The following SLC25A48 variants were observed in gnomAD, a reference collection of about 807,000 sequenced individuals.
SLC25A48 encodes the protein solute carrier family 25 member 48, also known as CTC-321K16.1.
In SLC25A48, 29 loss-of-function variants were observed where a neutral mutation model predicts 32.2. The observed-to-expected ratio is 0.90, with a 90% CI of 0.67 to 1.23. The LOEUF (loss-of-function observed/expected upper bound fraction) is 1.23. Among genes scored for constraint, SLC25A48 ranks in the 50% most tolerant of loss-of-function variants. The pLI is 0.00. For synonymous variants in SLC25A48, 164 were observed against 172.3 expected (o/e 0.95, Z 0.38); for missense variants, 399 against 422.7 (o/e 0.94, Z 0.49).
intron 3 of SLC25A48, among the ~76,000 whole-genome samples, chr5:135,770,703 G>A (rs12188282): frequency 0.31 from 46,690 of 151,252 alleles, 7,390 homozygotes; most frequent in East Asian, 0.46. Flanking sequence ...AGAGAATAAT[G>A]TTGCTCCAAA....
chr5:135,886,615 AT>A (rs1561567605), intron 7 of SLC25A48, among the ~76,000 whole-genome samples: 2,547 of 34,900 alleles, frequency 0.073, 237 homozygotes, highest in Non-Finnish European at 0.094. Flanking sequence ...ATATATATAT[AT>A]ATATATATAT....
In SLC25A48 at chr5:135,764,126, G is replaced by A. The variant is rs185788896; in HGVS notation, c.-520-48397G>A. On this transcript the variant is annotated intron_variant, in intron 3 of 10. Coordinates refer to the SLC25A48 transcript ENST00000646290. ...GGGGTGTACACCCCTCTGTGATATGGTTTGTAATATCCAGGGAGGTAGAGG... is the reference window on the plus strand; with the variant it reads ...GGGGTGTACACCCCTCTGTGATATGATTTGTAATATCCAGGGAGGTAGAGG... 3.0e-3 allele frequency among the ~76,000 whole-genome samples: 461 copies of A among 152,212 alleles called. 1 individual carries two copies. The highest frequency in any genetic ancestry group is 5.5e-3 in the Non-Finnish European group (377 of 67,994).
chr5:135,646,485 T>G (rs1342549808), intron 3 of SLC25A48, among the ~76,000 whole-genome samples: 1 of 151,968 alleles, frequency 6.6e-6, no homozygotes, highest in African/African-American at 2.4e-5. Context: ...TGTCTACAGC[T>G]TTGGCCTCAG....
intron 7 of SLC25A48, chr5:135,883,267 C>T (rs952486471): frequency 2.8e-5 from 28 of 985,346 alleles, no homozygotes; most frequent in Non-Finnish European, 3.3e-5. Context: ...TTCAACTGAC[C>T]ATTGGTCAAC....
At position 135,835,099 on chromosome 5, in the gene SLC25A48, G is replaced by T; in HGVS notation, c.46+206G>T. 4.2e-6 allele frequency: 3 copies of T among 720,616 alleles called. No individual in the cohort carries two copies. In the South Asian group the frequency reaches 4.5e-5, roughly 11 times the overall value. 44.6% of individuals were successfully genotyped at this position (720,616 alleles called of 1,614,324 possible). A position where few individuals can be genotyped will look rare whatever the true frequency, so the allele number is the denominator to read the frequency against. On this transcript the variant is annotated intron_variant, in intron 1 of 7. Coordinates refer to ENST00000681962, the MANE Select transcript of SLC25A48 (RefSeq NM_001349336.2). ...AATTCTGAGAGCTTCACAGCGTTTC[G>T]GGCTGAGCTTCTGATTTGCTCATTA...
upstream of SLC25A48, among the ~76,000 whole-genome samples, chr5:135,831,727 A>G (rs1029769567): frequency 2.6e-5 from 4 of 152,254 alleles, no homozygotes; most frequent in African/African-American, 9.6e-5. Flanking sequence ...ACCCAGTCCT[A>G]CTGAGCTACA....
At chr5:135,881,855 G>A (rs1230670572) in intron 7 of SLC25A48, among the ~76,000 whole-genome samples, 1 of 152,162 alleles carries the variant, frequency 6.6e-6, no homozygotes, top group Non-Finnish European at 1.5e-5. Context: ...GTGTTTTACA[G>A]CCCTCTTTTC....
Position 135,852,646 on chromosome 5 carries a change from C to A in SLC25A48, c.246C>A (p.Asn82Lys). Residue 82 changes from asparagine (N) to lysine (K), a missense_variant, in exon 4 of 8, where the codon AAC becomes AAA. Transcript: ENST00000681962. ...CCGTGGTGTTTGGGGTCTTCAGTAA[C>A]ACGCAGCGGTTCCTCAGCCAGCACC... ...YNSVVFGVFS[N>K]TQRFLSQHRC... 6.2e-7 allele frequency: 1 copy of A among 1,613,828 alleles called. No homozygotes were observed. The highest frequency in any genetic ancestry group is 8.5e-7 in the Non-Finnish European group (1 of 1,179,756).
chr5:135,627,192 ATT>A (rs1752458791), intron 1 of SLC25A48, among the ~76,000 whole-genome samples: 1 of 152,022 alleles, frequency 6.6e-6, no homozygotes, highest in Non-Finnish European at 1.5e-5. Flanking sequence ...TCGAGCTAAC[ATT>A]TCTCAGGCCC....
chr5:135,860,742 T>C (rs903164695), intron 4 of SLC25A48, among the ~76,000 whole-genome samples: 1 of 152,198 alleles, frequency 6.6e-6, no homozygotes, highest in Non-Finnish European at 1.5e-5. Flanking sequence ...TGGGCATTTC[T>C]AGGCAGCCTT....
rs34938994 is a variant in SLC25A48, at chr5:135,849,087, G to A, written c.91-1338G>A. On this transcript the variant is annotated intron_variant, in intron 2 of 7. Transcript: ENST00000681962. ...ATAATGAAAGTAACATCTGCTTATC[G>A]TAGGAAAGTTGGAAAATACAGAAAA... Among the ~76,000 whole-genome samples, 531 of 152,316 alleles carry A rather than the reference G, an allele frequency of 3.5e-3. 2 individuals carry two copies. Among genetic ancestry groups the A allele is most frequent in the Non-Finnish European group, 5.9e-3 (399 of 68,022 alleles).
chr5:135,683,842 C>T (rs1753956870), intron 3 of SLC25A48, among the ~76,000 whole-genome samples: 1 of 152,110 alleles, frequency 6.6e-6, no homozygotes, highest in Non-Finnish European at 1.5e-5. Flanking sequence ...TTCCCCATTC[C>T]CAGCTTAGCT....
intron 3 of SLC25A48, among the ~76,000 whole-genome samples, chr5:135,773,144 G>A (rs1194418104): frequency 6.6e-6 from 1 of 150,828 alleles, no homozygotes; most frequent in East Asian, 2.0e-4. Context: ...AATATCCAGG[G>A]TGGTAGAGGA....
intron 1 of SLC25A48, among the ~76,000 whole-genome samples, chr5:135,591,559 C>A (rs1464792733): frequency 6.6e-6 from 1 of 152,208 alleles, no homozygotes; most frequent in Admixed American, 6.5e-5. Flanking sequence ...TTCCATGTAT[C>A]CTGCTTTCTT....
chr5:135,625,517 A>G (rs907236727), intron 1 of SLC25A48, among the ~76,000 whole-genome samples: 3 of 152,130 alleles, frequency 2.0e-5, no homozygotes, highest in Non-Finnish European at 4.4e-5. Flanking sequence ...TCTGTGGGAC[A>G]TGATGTGGCC....
At position 135,836,575 on chromosome 5, in the gene SLC25A48, T is replaced by C. The variant is rs60805988; in HGVS notation, c.46+1682T>C. 6.5e-3 allele frequency among the ~76,000 whole-genome samples: 990 copies of C among 152,336 alleles called. 53 individuals carry two copies. In the East Asian group the frequency reaches 0.14, roughly 22 times the overall value. On this transcript the variant is annotated intron_variant, in intron 1 of 7. Coordinates refer to ENST00000681962, the MANE Select transcript of SLC25A48 (RefSeq NM_001349336.2). ...GTGCAACCATCACCATAAATTTGTT[T>C]TAGAACATTTTCATCCCCCAGTAAG... is the stretch of plus-strand genomic sequence containing the variant.
At chr5:135,738,906 ACT>A in intron 3 of SLC25A48, among the ~76,000 whole-genome samples, 1 of 152,246 alleles carries the variant, frequency 6.6e-6, no homozygotes, top group Middle Eastern at 3.4e-3. Context: ...ACATGGCAAA[ACT>A]CTGTCTCTAC....
At chr5:135,767,624 C>A (rs369589249) in intron 3 of SLC25A48, among the ~76,000 whole-genome samples, 1 of 151,698 alleles carries the variant, frequency 6.6e-6, no homozygotes, top group East Asian at 1.9e-4. Context: ...AGGGGGTGTA[C>A]ACCCGCCAGT....
intron 3 of SLC25A48, among the ~76,000 whole-genome samples, chr5:135,744,471 C>G (rs192525750): frequency 0.027 from 3,510 of 129,334 alleles, 60 homozygotes; most frequent in Non-Finnish European, 0.038. Flanking sequence ...CCACCTCAGC[C>G]TCAAGAGTAG....
Sources: gnomAD v4.1 joint callset for allele counts (sites outside exome capture counted in the v4.1 genomes callset) on GRCh38, gnomAD v4.1.1 for gene constraint, MANE v1.5 for transcripts, NCBI Gene and HGNC (gene_info 2026-07-23, HGNC 2026-07-21) for gene names.